Variants in LAMB4 observed in about 807,000 individuals in gnomAD.
The protein encoded by LAMB4 is laminin subunit beta-4.
In LAMB4, 196 loss-of-function variants were observed where a neutral mutation model predicts 199.2. The observed-to-expected ratio is 0.98, with a 90% CI of 0.88 to 1.11. LAMB4 has a LOEUF of 1.11. LAMB4 is among the 50% of genes least tolerant of loss of function. The pLI is 0.00. For missense variants in LAMB4, 2,080 were observed against 2,171.2 expected, an observed-to-expected ratio of 0.96 and a Z score of 0.83; for synonymous variants, 744 against 770.6, an observed-to-expected ratio of 0.97 and a Z score of 0.57.
At chr7:108,079,517 A>G (rs539292752) in intron 15 of LAMB4, 84 bp downstream of exon 15, 23 of 1,168,598 alleles carry the variant, frequency 2.0e-5, no homozygotes, top group Non-Finnish European at 2.8e-5. Context: ...TGATGAACCT[A>G]TTCTAGCAAG....
intron 28 of LAMB4, among the ~76,000 whole-genome samples, chr7:108,045,164 G>C (rs1477843870): frequency 6.6e-6 from 1 of 151,736 alleles, no homozygotes; most frequent in Non-Finnish European, 1.5e-5. Context: ...TAATTCTCTA[G>C]AACTTTCTTA....
intron 14 of LAMB4, among the ~76,000 whole-genome samples, chr7:108,083,656 C>T (rs762472117): frequency 6.6e-6 from 1 of 152,134 alleles, no homozygotes; most frequent in Non-Finnish European, 1.5e-5. Flanking sequence ...GAAATGAAAC[C>T]CCAGGAGATG....
intron 17 of LAMB4, among the ~76,000 whole-genome samples, chr7:108,074,828 G>A (rs2036643225): frequency 6.6e-6 from 1 of 152,060 alleles, no homozygotes; most frequent in Non-Finnish European, 1.5e-5. Context: ...CATACTTCCT[G>A]GCCCATATAT....
chr7:108,031,215 C>T (rs1227778666), intron 31 of LAMB4, among the ~76,000 whole-genome samples: 8 of 150,574 alleles, frequency 5.3e-5, no homozygotes, highest in African/African-American at 7.3e-5. Context: ...TCCCAGTACT[C>T]GGGAGGCTGA....
chr7:108,124,010 T>C lies in LAMB4; in HGVS notation c.-33-813A>G, dbSNP rs113839083. Among the ~76,000 whole-genome samples the C allele has an allele frequency of 4.5e-3, 690 of 151,754 alleles. 6 individuals carry two copies. Among genetic ancestry groups the C allele is most frequent in the African/African-American group, 0.015 (615 of 41,290 alleles). On this transcript the variant is annotated intron_variant, in intron 1 of 33. Coordinates refer to ENST00000388781, the MANE Select transcript of LAMB4 (RefSeq NM_007356.3). ...GGAGAAAAGAAGGTAAAATTTGTAA[T>C]GGTTTTTTTTTTTCCTTTTTTTAAG...
At chr7:108,118,729 G>A (rs918735309) in intron 2 of LAMB4, among the ~76,000 whole-genome samples, 1 of 151,892 alleles carries the variant, frequency 6.6e-6, no homozygotes, top group African/African-American at 2.4e-5. Flanking sequence ...TTTAGGGCTA[G>A]GTGAATAATT....
intron 28 of LAMB4, among the ~76,000 whole-genome samples, chr7:108,047,351 A>AACCC (rs1239752903): frequency 6.6e-6 from 1 of 152,050 alleles, no homozygotes; most frequent in Non-Finnish European, 1.5e-5. Context: ...CAGCAAGACC[A>AACCC]ACCCCTCTTC....
chr7:108,108,621 C>A (rs1392982166), intron 5 of LAMB4, among the ~76,000 whole-genome samples: 1 of 151,308 alleles, frequency 6.6e-6, no homozygotes, highest in Non-Finnish European at 1.5e-5. Context: ...GTATCCATGA[C>A]TAGATTGTGA....
chr7:108,104,470 G>A lies in LAMB4; in HGVS notation c.991+29C>T, dbSNP rs373341389. 8 of 1,613,408 alleles carry A rather than the reference G, an allele frequency of 5.0e-6. No individual in the cohort carries two copies. In the African/African-American group the frequency reaches 6.7e-5, roughly 13 times the overall value. Reference sequence around the variant, plus strand: ...AATAAGGAAATGCAGAGCACACTCAGTCTATGCAGGGAACTGAGTTTCACC... The same window carrying A: ...AATAAGGAAATGCAGAGCACACTCAATCTATGCAGGGAACTGAGTTTCACC... On this transcript the variant is annotated intron_variant, in intron 9 of 33. Coordinates refer to ENST00000388781, the MANE Select transcript of LAMB4 (RefSeq NM_007356.3).
intron 28 of LAMB4, among the ~76,000 whole-genome samples, chr7:108,045,494 T>C (rs759890237): frequency 2.6e-5 from 4 of 152,256 alleles, no homozygotes; most frequent in Admixed American, 6.5e-5. Flanking sequence ...TCTCCATTTA[T>C]GTGCTGATTA....
At chr7:108,059,230 C>T (rs1057149357) in intron 23 of LAMB4, among the ~76,000 whole-genome samples, 6 of 151,734 alleles carry the variant, frequency 4.0e-5, no homozygotes, top group East Asian at 3.9e-4. Context: ...CTCAGCCTCC[C>T]GAGTAGCTGG....
intron 19 of LAMB4, among the ~76,000 whole-genome samples, chr7:108,066,937 A>G (rs1188850145): frequency 1.3e-5 from 2 of 151,306 alleles, no homozygotes; most frequent in Non-Finnish European, 2.9e-5. Context: ...GTATATATAA[A>G]TACTATACTA....
intron 9 of LAMB4, 21 bp from the exon 10 acceptor site, chr7:108,103,253 C>CT: frequency 3.9e-6 from 6 of 1,528,792 alleles, no homozygotes; most frequent in Non-Finnish European, 5.3e-6. Context: ...AAGACAGTGA[C>CT]TGAGAGGTAG....
Position 108,122,273 on chromosome 7 carries a change from G to A in LAMB4, c.34+858C>T, listed in dbSNP as rs546387148. Among the ~76,000 whole-genome samples, 16 of 152,316 alleles carry A rather than the reference G, an allele frequency of 1.1e-4. No individual in the cohort carries two copies. In the South Asian group the frequency reaches 3.1e-3, roughly 30 times the overall value. ...TTTAGTTTCAAAGAGAACATGTAAG[G>A]CAGGTGCAGGTTAAAATAACTGTTT... On this transcript the variant is annotated intron_variant, in intron 2 of 33. Coordinates refer to ENST00000388781, the MANE Select transcript of LAMB4 (RefSeq NM_007356.3).
At chr7:108,052,478 GA>G (rs2035857043) in intron 25 of LAMB4, among the ~76,000 whole-genome samples, 1 of 152,002 alleles carries the variant, frequency 6.6e-6, no homozygotes, top group Non-Finnish European at 1.5e-5. Context: ...TTAAAATATG[GA>G]CAGCATACCA....
In LAMB4 at chr7:108,024,033, C is replaced by T; in HGVS notation, c.*6G>A. ...AAAGGCACAAGCTTTTGCTCTTTAACTCTGCCTAGCTATAGCACCTAGCAT... is the reference window on the plus strand; with the variant it reads ...AAAGGCACAAGCTTTTGCTCTTTAATTCTGCCTAGCTATAGCACCTAGCAT... On this transcript the variant is annotated 3_prime_UTR_variant, in exon 34 of 34. Coordinates refer to ENST00000388781, the MANE Select transcript of LAMB4 (RefSeq NM_007356.3). The T allele has an allele frequency of 6.3e-7, 1 of 1,596,826 alleles. No individual in the cohort carries two copies.
intron 27 of LAMB4, among the ~76,000 whole-genome samples, chr7:108,049,032 A>G (rs1050434405): frequency 3.3e-5 from 5 of 152,140 alleles, no homozygotes; most frequent in Non-Finnish European, 7.4e-5. Context: ...TTTTTCTTGT[A>G]ATGAGGCAAG....
At chr7:108,075,061 C>G (rs1433228106) in intron 17 of LAMB4, among the ~76,000 whole-genome samples, 2 of 152,098 alleles carry the variant, frequency 1.3e-5, no homozygotes, top group Non-Finnish European at 2.9e-5. Flanking sequence ...CTTTAATTTG[C>G]TTGGGTTCCC....
intron 26 of LAMB4, among the ~76,000 whole-genome samples, chr7:108,051,811 T>C (rs191055851): frequency 1.3e-5 from 2 of 152,324 alleles, no homozygotes. Context: ...TTGTTGATTA[T>C]TCAAGACCCC....
Sources: gnomAD v4.1 joint callset for allele counts (sites outside exome capture counted in the v4.1 genomes callset) on GRCh38, gnomAD v4.1.1 for gene constraint, MANE v1.5 for transcripts, NCBI Gene and HGNC (gene_info 2026-07-23, HGNC 2026-07-21) for gene names.